DOCK4: variants seen among roughly 807,000 people sequenced by gnomAD.
The protein encoded by DOCK4 is dedicator of cytokinesis protein 4.
Under a neutral mutation model 268.1 loss-of-function variants are expected in DOCK4, and 97 were observed. The ratio of observed to expected loss-of-function variants is 0.36; its 90% CI spans 0.31 to 0.43. The LOEUF (loss-of-function observed/expected upper bound fraction) is 0.43. Ranked by LOEUF, DOCK4 falls within the 20% of genes least tolerant of loss-of-function variation. The pLI is 1.00. For synonymous variants in DOCK4, 954 were observed against 887.2 expected, an observed-to-expected ratio of 1.08 and a Z score of -1.34; for missense variants, 2,145 against 2,455.7, an observed-to-expected ratio of 0.87 and a Z score of 2.67.
chr7:112,113,349 C>A (rs1811837987), intron 1 of DOCK4, among the ~76,000 whole-genome samples: 1 of 152,094 alleles, frequency 6.6e-6, no homozygotes, highest in Admixed American at 6.6e-5. Context: ...GGGGTTCTGA[C>A]ACTAAGGTCA....
intron 1 of DOCK4, among the ~76,000 whole-genome samples, chr7:112,023,885 AT>A (rs1199453625): frequency 1.3e-5 from 2 of 152,316 alleles, no homozygotes; most frequent in South Asian, 2.1e-4. Context: ...CATTAAAAAA[AT>A]AAAATAAAAC....
intron 1 of DOCK4, among the ~76,000 whole-genome samples, chr7:112,044,947 T>G (rs748337374): frequency 1.7e-4 from 26 of 152,180 alleles, no homozygotes; most frequent in Non-Finnish European, 1.0e-4. Context: ...CATGGGGCAA[T>G]GCCTAGAAGG....
chr7:112,046,101 C>T (rs1402538393), intron 1 of DOCK4, among the ~76,000 whole-genome samples: 1 of 152,102 alleles, frequency 6.6e-6, no homozygotes, highest in African/African-American at 2.4e-5. Context: ...CTCAAAACAT[C>T]CTTATCATTT....
chr7:111,824,142 TG>T (rs954963213), intron 26 of DOCK4, among the ~76,000 whole-genome samples: 70 of 152,338 alleles, frequency 4.6e-4, no homozygotes, highest in African/African-American at 1.6e-3. Context: ...TGTATTTCAC[TG>T]TAGGTCACAT....
chr7:111,845,934 T>G (rs2134087040), intron 24 of DOCK4, among the ~76,000 whole-genome samples: 1 of 152,322 alleles, frequency 6.6e-6, no homozygotes, highest in Admixed American at 6.5e-5. Flanking sequence ...TAAAACTGAA[T>G]TCATGCCTTC....
chr7:111,961,903 C>T (rs571046107), intron 8 of DOCK4, among the ~76,000 whole-genome samples: 2 of 152,204 alleles, frequency 1.3e-5, no homozygotes, highest in South Asian at 4.1e-4. Flanking sequence ...TTTCTCATTG[C>T]TTTATGGCCT....
intron 1 of DOCK4, among the ~76,000 whole-genome samples, chr7:112,022,286 C>T (rs1025668172): frequency 1.3e-5 from 2 of 152,206 alleles, no homozygotes; most frequent in Admixed American, 1.3e-4. Context: ...CTCCTCACAG[C>T]AACTCTCTGC....
intron 1 of DOCK4, among the ~76,000 whole-genome samples, chr7:112,193,507 G>A (rs1207008425): frequency 1.3e-5 from 2 of 151,662 alleles, no homozygotes. Context: ...GCTGAGGCAG[G>A]AGGATCACTT....
chr7:112,065,607 A>C (rs1217234628), intron 1 of DOCK4, among the ~76,000 whole-genome samples: 1 of 149,154 alleles, frequency 6.7e-6, no homozygotes, highest in East Asian at 2.0e-4. Flanking sequence ...GGCACTTATT[A>C]TTCTCAGGTT....
Position 112,066,678 on chromosome 7 carries a change from T to C in DOCK4, c.38-62547A>G, listed in dbSNP as rs1317772745. Among the ~76,000 whole-genome samples, 12 of 22,026 alleles carry C rather than the reference T, an allele frequency of 5.4e-4. 1 individual carries two copies. The highest frequency in any genetic ancestry group is 1.6e-3 in the African/African-American group (6 of 3,812). The allele number at this position is 22,026 out of a possible 152,430, so 14.4% of individuals were successfully genotyped here. On this transcript the variant is annotated intron_variant, in intron 1 of 52. Coordinates refer to ENST00000428084, the MANE Select transcript of DOCK4 (RefSeq NM_001363540.2). ...CACATATTATACATATACATATACATATATACATATACATATATATATATA... is the reference window on the plus strand; with the variant it reads ...CACATATTATACATATACATATACACATATACATATACATATATATATATA...
chr7:111,785,943 C>G (rs1477329553), intron 32 of DOCK4, among the ~76,000 whole-genome samples: 1 of 152,120 alleles, frequency 6.6e-6, no homozygotes, highest in African/African-American at 2.4e-5. Context: ...TGAAAGAAAT[C>G]TGTGTGTGTG....
chr7:112,000,534 C>A lies in DOCK4; in HGVS notation c.122G>T (p.Gly41Val). The change falls in exon 3 of 53, where the codon GGC (glycine) becomes GTC (valine). Residue 41 changes from glycine (G) to valine (V), a missense_variant and splice_region_variant. Transcript: ENST00000428084. The stretch of plus-strand genomic sequence containing the variant: ...TTTTAAGGCAAATCCTCTGTACCAG[C>A]CTGTGGAAAAATAATCATGGTCATA... ...DTVQILEKCD[G>V]WYRGFALKNP... 6.5e-7 allele frequency: 1 copy of A among 1,545,106 alleles called. No individual in the cohort carries two copies. The highest frequency in any genetic ancestry group is 2.3e-5 in the East Asian group (1 of 43,598).
intron 39 of DOCK4, among the ~76,000 whole-genome samples, chr7:111,764,145 T>C (rs1381688523): frequency 1.3e-5 from 2 of 152,210 alleles, no homozygotes; most frequent in African/African-American, 4.8e-5. Flanking sequence ...TGCATGGTCA[T>C]TTCAACTGAC....
intron 1 of DOCK4, among the ~76,000 whole-genome samples, chr7:112,146,437 G>A (rs971134158): frequency 6.6e-6 from 1 of 152,172 alleles, no homozygotes; most frequent in Non-Finnish European, 1.5e-5. Flanking sequence ...CAGTATAACT[G>A]AAAGAACTTT....
At chr7:112,189,878 G>A (rs2729540) in intron 1 of DOCK4, among the ~76,000 whole-genome samples, 4 of 150,022 alleles carry the variant, frequency 2.7e-5, no homozygotes, top group East Asian at 4.1e-4. Flanking sequence ...CACCACACCC[G>A]GCTTTCTGGG....
chr7:111,881,298 C>T (rs1284181626), intron 16 of DOCK4, among the ~76,000 whole-genome samples: 4 of 152,174 alleles, frequency 2.6e-5, no homozygotes, highest in Admixed American at 2.6e-4. Flanking sequence ...GAGATACACA[C>T]ATGGCAAACA....
chr7:111,837,902 C>G (rs1412536763), intron 25 of DOCK4, among the ~76,000 whole-genome samples: 1 of 151,734 alleles, frequency 6.6e-6, no homozygotes, highest in Non-Finnish European at 1.5e-5. Flanking sequence ...ACCTGGCCAA[C>G]ATGGTGAAAC....
In DOCK4 at chr7:111,728,271, GACTTATA is replaced by G; in HGVS notation, c.5924_*2del. Reference sequence around the variant, plus strand: ...ATGCATCGCAGGTACATAGAAAAGTGACTTATAACTGAGAGACCTTGCGGGGCAGGGG... The same window carrying G: ...ATGCATCGCAGGTACATAGAAAAGTGACTGAGAGACCTTGCGGGGCAGGGG... On this transcript the variant is annotated stop_lost and 3_prime_UTR_variant, in exon 53 of 53. Transcript: ENST00000428084. The G allele has an allele frequency of 4.1e-6, 6 of 1,481,150 alleles. No homozygotes were observed. The highest frequency in any genetic ancestry group is 5.4e-6 in the Non-Finnish European group (6 of 1,115,376). 91.8% of individuals were successfully genotyped at this position (1,481,150 alleles called of 1,614,324 possible).
chr7:112,068,679 G>A (rs1304534316), intron 1 of DOCK4, among the ~76,000 whole-genome samples: 1 of 152,052 alleles, frequency 6.6e-6, no homozygotes, highest in Non-Finnish European at 1.5e-5. Context: ...TATTCCCATC[G>A]GCTGCAGCGA....
Sources: allele counts gnomAD v4.1 joint callset (sites outside exome capture counted in the v4.1 genomes callset), GRCh38; gene constraint gnomAD v4.1.1; transcripts MANE v1.5; gene names NCBI Gene and HGNC (gene_info 2026-07-23, HGNC 2026-07-21).